MLLT10: variants seen among roughly 807,000 people sequenced by gnomAD.
MLLT10 encodes the protein protein AF-10.
MLLT10 carries 30 observed loss-of-function variants against 129.1 expected under a neutral mutation model. That is an observed-to-expected ratio of 0.23 (90% CI 0.17 to 0.32). The LOEUF (loss-of-function observed/expected upper bound fraction) is 0.32. Ranked by LOEUF, MLLT10 falls within the 10% of genes least tolerant of loss-of-function variation. MLLT10 has a pLI of 1.00. For missense variants in MLLT10, 1,119 were observed against 1,268.3 expected (o/e 0.88, Z 1.79); for synonymous variants, 490 against 446.4 (o/e 1.10, Z -1.23).
chr10:21,555,067 C>T (rs7087083), intron 3 of MLLT10, among the ~76,000 whole-genome samples: 2,914 of 151,976 alleles, frequency 0.019, 86 homozygotes, highest in African/African-American at 0.066. Flanking sequence ...GTGATCCACC[C>T]GCCTTGGCCT....
At chr10:21,727,263 A>C (rs1379027020) in intron 15 of MLLT10, among the ~76,000 whole-genome samples, 1 of 152,216 alleles carries the variant, frequency 6.6e-6, no homozygotes, top group African/African-American at 2.4e-5. Flanking sequence ...GATATTACCT[A>C]AGGAATATTT....
At chr10:21,659,248 A>G (rs559153004) in intron 9 of MLLT10, among the ~76,000 whole-genome samples, 1 of 152,272 alleles carries the variant, frequency 6.6e-6, no homozygotes, top group South Asian at 2.1e-4. Flanking sequence ...TTTTAAAACT[A>G]TAATTCAGGA....
intron 9 of MLLT10, among the ~76,000 whole-genome samples, chr10:21,666,674 T>A (rs920015591): frequency 2.1e-4 from 29 of 139,232 alleles, no homozygotes; most frequent in Non-Finnish European, 3.3e-4. Flanking sequence ...AAAAAAAAAA[T>A]AAATAAAAAA....
chr10:21,735,952 T>C lies in MLLT10; in HGVS notation c.2955+717T>C, dbSNP rs76831992. ...AAAATCTATTACGGAGGATTTCAAG[T>C]GTACCAAAAGTAGAGTGGAGAGCAC... On this transcript the variant is annotated intron_variant, in intron 21 of 22. Transcript: ENST00000307729. 6.0e-3 allele frequency among the ~76,000 whole-genome samples: 913 copies of C among 152,216 alleles called. 7 individuals carry two copies. Among genetic ancestry groups the C allele is most frequent in the African/African-American group, 0.02 (838 of 41,522 alleles).
chr10:21,541,032 C>T (rs1182021699), intron 3 of MLLT10, among the ~76,000 whole-genome samples: 2 of 152,030 alleles, frequency 1.3e-5, no homozygotes, highest in Non-Finnish European at 2.9e-5. Context: ...TGGTGGTGTG[C>T]ACCTGTAATG....
intron 8 of MLLT10, chr10:21,625,507 C>T (rs1329453837): frequency 3.2e-6 from 3 of 941,276 alleles, no homozygotes; most frequent in Non-Finnish European, 5.3e-6. Context: ...TACATTTCCC[C>T]ATACTTTTAC....
At chr10:21,580,382 T>C (rs1354828209) in intron 3 of MLLT10, among the ~76,000 whole-genome samples, 2 of 148,860 alleles carry the variant, frequency 1.3e-5, no homozygotes, top group African/African-American at 5.0e-5. Flanking sequence ...ATTAATATAT[T>C]TTGTGTATTT....
chr10:21,726,348 T>C lies in MLLT10; in HGVS notation c.1983T>C (p.Asn661=). ...MAALIAQSEN[N]QTDQDLGDNS... is the part of the protein sequence containing the mutation. The stretch of plus-strand genomic sequence containing the variant: ...CTCTTATAGCTCAGTCTGAAAACAA[T>C]CAAACAGGTAAGTTTTCAAGAATTA... Residue 661 remains asparagine (N), a synonymous_variant, in exon 15 of 23, where the codon AAT becomes AAC. Coordinates refer to ENST00000307729, the MANE Select transcript of MLLT10 (RefSeq NM_001195626.3). The C allele has an allele frequency of 1.2e-6, 2 of 1,604,672 alleles. No individual in the cohort carries two copies. Among genetic ancestry groups the C allele is most frequent in the Non-Finnish European group, 1.7e-6 (2 of 1,172,362 alleles).
intron 8 of MLLT10, among the ~76,000 whole-genome samples, chr10:21,619,232 C>T (rs1249336651): frequency 6.6e-6 from 1 of 152,090 alleles, no homozygotes; most frequent in Non-Finnish European, 1.5e-5. Flanking sequence ...TAGTAATAAG[C>T]ACCATGAAAG....
rs376844786 is a variant in MLLT10 at position 21,673,525 on chromosome 10, G to T, written c.1227G>T (p.Gly409=). The T allele has an allele frequency of 1.9e-6, 3 of 1,613,606 alleles. No individual in the cohort carries two copies. The highest frequency in any genetic ancestry group is 1.3e-5 in the African/African-American group (1 of 74,924). Residue 409 remains glycine, a synonymous_variant, in exon 11 of 23, where the codon GGG becomes GGT. Coordinates refer to ENST00000307729, the MANE Select transcript of MLLT10 (RefSeq NM_001195626.3). ...AAGGAGAGTCTGGAAGCCAGGAAGG[G>T]GGGGTAAATAGTTTTAGTACCTTAA... The part of the protein sequence containing the change: ...VHKGESGSQE[G]GVNSFSTLIG...
intron 13 of MLLT10, among the ~76,000 whole-genome samples, chr10:21,683,257 G>T (rs185759109): frequency 2.6e-5 from 4 of 152,192 alleles, no homozygotes; most frequent in African/African-American, 7.2e-5. Context: ...TTAATTAGTA[G>T]ATTGATTCAT....
intron 11 of MLLT10, among the ~76,000 whole-genome samples, chr10:21,680,022 A>T (rs2052576407): frequency 6.6e-6 from 1 of 152,034 alleles, no homozygotes; most frequent in African/African-American, 2.4e-5. Flanking sequence ...CCTTGGTCCT[A>T]GTTTTATCAA....
intron 5 of MLLT10, among the ~76,000 whole-genome samples, chr10:21,598,778 G>A (rs1325601880): frequency 6.6e-6 from 1 of 151,838 alleles, no homozygotes; most frequent in Non-Finnish European, 1.5e-5. Flanking sequence ...TGCTTGGGAG[G>A]CTGAGGCATG....
intron 9 of MLLT10, among the ~76,000 whole-genome samples, chr10:21,657,109 A>G (rs2049667465): frequency 6.6e-6 from 1 of 152,052 alleles, no homozygotes. Context: ...AAAAGGGGAG[A>G]TGCCAGGTGG....
rs758126535 is a variant in MLLT10, at chr10:21,673,792, T to C, written c.1494T>C (p.Ala498=). 1 of 1,614,174 alleles carries C rather than the reference T, an allele frequency of 6.2e-7. No homozygotes were observed. Among genetic ancestry groups the C allele is most frequent in the Non-Finnish European group, 8.5e-7 (1 of 1,180,016 alleles). Residue 498 remains alanine (A), a synonymous_variant, in exon 11 of 23, where the codon GCT becomes GCC. Coordinates refer to ENST00000307729, the MANE Select transcript of MLLT10 (RefSeq NM_001195626.3). The stretch of plus-strand genomic sequence containing the variant: ...TTTCTCATCTCTCAGTTTCTTCTGC[T>C]TCACCAACATCATCTGTAGCATCAG... The part of the protein sequence containing the change: ...ENVSHLSVSS[A]SPTSSVASAA...
At chr10:21,714,034 C>T (rs2056339064) in intron 14 of MLLT10, 84 bp downstream of exon 14, 2 of 1,160,000 alleles carry the variant, frequency 1.7e-6, no homozygotes, top group Admixed American at 2.9e-5. Context: ...AAACAAATGA[C>T]ATAGGGCCTT....
intron 8 of MLLT10, among the ~76,000 whole-genome samples, chr10:21,623,343 G>C (rs1020269497): frequency 6.6e-6 from 1 of 152,136 alleles, no homozygotes; most frequent in African/African-American, 2.4e-5. Flanking sequence ...TACCTTATTA[G>C]TGTAAACTCA....
chr10:21,597,820 AT>A (rs753288080), intron 5 of MLLT10, among the ~76,000 whole-genome samples: 2 of 152,182 alleles, frequency 1.3e-5, no homozygotes, highest in Non-Finnish European at 2.9e-5. Context: ...AAATACAGTT[AT>A]GTTTTTAGCA....
chr10:21,572,677 T>C (rs1219313107), intron 3 of MLLT10, among the ~76,000 whole-genome samples: 5 of 152,086 alleles, frequency 3.3e-5, no homozygotes, highest in Non-Finnish European at 7.4e-5. Flanking sequence ...TGGAGTGCAG[T>C]GGTGCAATCT....
Sources: gnomAD v4.1 joint callset for allele counts (sites outside exome capture counted in the v4.1 genomes callset) on GRCh38, gnomAD v4.1.1 for gene constraint, MANE v1.5 for transcripts, NCBI Gene and HGNC (gene_info 2026-07-23, HGNC 2026-07-21) for gene names.